The following PARM1 variants were observed in gnomAD, a reference collection of about 807,000 sequenced individuals.
PARM1 encodes WSC4, cell wall integrity and stress response component 4 homolog.
A neutral mutation model predicts 24.6 loss-of-function variants in PARM1; 14 were observed. The observed-to-expected ratio is 0.57, with a 90% CI of 0.38 to 0.89. The LOEUF is 0.89. PARM1 is among the 40% of genes least tolerant of loss of function. The pLI, the probability that PARM1 is intolerant of heterozygous loss-of-function variation, is 0.00. For missense variants in PARM1, 362 were observed against 380.4 expected, an observed-to-expected ratio of 0.95 and a Z score of 0.40; for synonymous variants, 179 against 156.6, an observed-to-expected ratio of 1.14 and a Z score of -1.07.
chr4:74,977,478 A>G (rs1722161765), intron 1 of PARM1, among the ~76,000 whole-genome samples: 1 of 152,178 alleles, frequency 6.6e-6, no homozygotes, highest in Non-Finnish European at 1.5e-5. Flanking sequence ...AAAAGGCTGA[A>G]CCTACAACTA....
intron 3 of PARM1, among the ~76,000 whole-genome samples, chr4:75,045,862 A>C (rs3733466): frequency 0.16 from 24,637 of 152,116 alleles, 3,259 homozygotes; most frequent in African/African-American, 0.36. Context: ...TTCTTATTAA[A>C]TTACTATGGA....
At chr4:74,933,777 G>C (rs533454814) in intron 1 of PARM1, among the ~76,000 whole-genome samples, 10 of 152,222 alleles carry the variant, frequency 6.6e-5, no homozygotes, top group African/African-American at 2.4e-4. Context: ...AAAAAGCCGG[G>C]GAAGTGGGGG....
intron 2 of PARM1, among the ~76,000 whole-genome samples, chr4:75,018,698 G>T (rs1037787102): frequency 1.3e-5 from 2 of 152,172 alleles, no homozygotes; most frequent in African/African-American, 4.8e-5. Flanking sequence ...CAAGAATTGG[G>T]CTAGCGACTG....
chr4:75,020,500 C>T (rs114087402), intron 2 of PARM1, among the ~76,000 whole-genome samples: 2 of 150,484 alleles, frequency 1.3e-5, no homozygotes, highest in East Asian at 1.9e-4. Context: ...TTTCCCCCCC[C>T]CCGCACCCAT....
chr4:74,970,968 A>T (rs1722021680), intron 1 of PARM1, among the ~76,000 whole-genome samples: 1 of 152,154 alleles, frequency 6.6e-6, no homozygotes, highest in African/African-American at 2.4e-5. Context: ...TAGGTTTCTC[A>T]TTGGAAATGA....
intron 2 of PARM1, among the ~76,000 whole-genome samples, chr4:75,014,284 G>A (rs1722935353): frequency 6.6e-6 from 1 of 152,198 alleles, no homozygotes; most frequent in African/African-American, 2.4e-5. Context: ...AATTTAGTAA[G>A]GGAAGAAGTC....
intron 1 of PARM1, among the ~76,000 whole-genome samples, chr4:74,972,599 G>C (rs140423932): frequency 6.6e-6 from 1 of 152,274 alleles, no homozygotes; most frequent in African/African-American, 2.4e-5. Flanking sequence ...GCTGTAAATA[G>C]CTTCTTGGAA....
intron 1 of PARM1, among the ~76,000 whole-genome samples, chr4:74,974,165 G>C (rs993391858): frequency 6.6e-6 from 1 of 152,188 alleles, no homozygotes; most frequent in African/African-American, 2.4e-5. Context: ...GCTCTGTTCA[G>C]GCTCGCCACG....
intron 1 of PARM1, among the ~76,000 whole-genome samples, chr4:74,975,258 TGAACTCTAGTTA>T (rs1428860611): frequency 1.3e-5 from 2 of 152,240 alleles, no homozygotes; most frequent in Non-Finnish European, 2.9e-5. Context: ...TAGAGTTAAA[TGAACTCTAGTTA>T]GTCATAACAA....
At chr4:74,978,135 A>G (rs1722172872) in intron 1 of PARM1, among the ~76,000 whole-genome samples, 1 of 152,230 alleles carries the variant, frequency 6.6e-6, no homozygotes, top group African/African-American at 2.4e-5. Flanking sequence ...TTAAATGTAA[A>G]TGGGCTAAAT....
At chr4:75,003,320 G>GGAAAAAAAAAAAAA (rs1722715414) in intron 1 of PARM1, among the ~76,000 whole-genome samples, 1 of 146,272 alleles carries the variant, frequency 6.8e-6, no homozygotes, top group Non-Finnish European at 1.5e-5. Context: ...TTGCATCTAA[G>GGAAAAAAAAAAAAA]GAAAAAAAAA....
chr4:75,007,650 G>A (rs147075013), intron 1 of PARM1, among the ~76,000 whole-genome samples: 310 of 137,604 alleles, frequency 2.3e-3, no homozygotes, highest in African/African-American at 8.1e-3. Flanking sequence ...ATGCAGTTTC[G>A]TATTCCTGCA....
rs931799594 is a variant in PARM1 at position 75,046,728 on chromosome 4, C to G, written c.*481C>G. ...GGAGAGAGCAGGGTTTTCTCAGATT[C>G]CTTTTTAATCTCTATTTATCTGGTT... On this transcript the variant is annotated 3_prime_UTR_variant, in exon 4 of 4. Coordinates refer to ENST00000307428, the MANE Select transcript of PARM1 (RefSeq NM_015393.4). The G allele has an allele frequency of 1.3e-5, 2 of 153,802 alleles. No individual in the cohort carries two copies. The highest frequency in any genetic ancestry group is 6.4e-5 in the Admixed American group (1 of 15,612). 9.5% of individuals were successfully genotyped at this position (153,802 alleles called of 1,614,324 possible). A position where few individuals can be genotyped will look rare whatever the true frequency, so the allele number is the denominator to read the frequency against.
At chr4:75,042,430 G>A (rs1007804048) in intron 3 of PARM1, among the ~76,000 whole-genome samples, 17 of 152,170 alleles carry the variant, frequency 1.1e-4, no homozygotes, top group African/African-American at 3.9e-4. Flanking sequence ...GAAATTAGAT[G>A]AAGCAATGTT....
intron 1 of PARM1, among the ~76,000 whole-genome samples, chr4:74,968,473 C>A (rs535675339): frequency 6.6e-6 from 1 of 152,264 alleles, no homozygotes; most frequent in Admixed American, 6.5e-5. Flanking sequence ...TATACCATTT[C>A]AACTTCAAAT....
intron 1 of PARM1, among the ~76,000 whole-genome samples, chr4:74,983,483 A>C (rs567139016): frequency 3.3e-5 from 5 of 152,306 alleles, no homozygotes; most frequent in Admixed American, 6.5e-5. Flanking sequence ...ACTACCAGCT[A>C]TGAAACTTCA....
intron 2 of PARM1, among the ~76,000 whole-genome samples, chr4:75,025,310 A>G (rs146091424): frequency 2.0e-5 from 3 of 152,310 alleles, no homozygotes; most frequent in African/African-American, 7.2e-5. Context: ...GATCCCAGAC[A>G]CTTAGCTGGA....
At chr4:74,964,142 G>A (rs1311590738) in intron 1 of PARM1, among the ~76,000 whole-genome samples, 3 of 152,118 alleles carry the variant, frequency 2.0e-5, no homozygotes, top group Non-Finnish European at 4.4e-5. Context: ...GAGCAGGGAT[G>A]GATAGCTAAG....
intron 2 of PARM1, among the ~76,000 whole-genome samples, chr4:75,030,714 C>T (rs1316604939): frequency 6.6e-6 from 1 of 152,146 alleles, no homozygotes; most frequent in Non-Finnish European, 1.5e-5. Context: ...GAGTCACACC[C>T]AGTCTCTAAC....
Sources: gnomAD v4.1 joint callset for allele counts (sites outside exome capture counted in the v4.1 genomes callset) on GRCh38, gnomAD v4.1.1 for gene constraint, MANE v1.5 for transcripts, NCBI Gene and HGNC (gene_info 2026-07-23, HGNC 2026-07-21) for gene names.